The following C12orf42 variants were observed in gnomAD, a reference collection of about 807,000 sequenced individuals.
C12orf42 encodes uncharacterized protein C12orf42.
Under a neutral mutation model 21.6 loss-of-function variants are expected in C12orf42, and 25 were observed. The observed-to-expected ratio is 1.16, with a 90% CI of 0.84 to 1.62. C12orf42 has a LOEUF of 1.62. Ranked by LOEUF, C12orf42 falls within the 40% of genes most tolerant of loss-of-function variation. The probability of loss-of-function intolerance (pLI) is 0.00; values close to 1 mark genes in which losing one functional copy is unlikely to be tolerated. For missense variants in C12orf42, 483 were observed against 459.3 expected (o/e 1.05, Z -0.47); for synonymous variants, 174 against 175.0 (o/e 0.99, Z 0.05).
the C12orf42 span, among the ~76,000 whole-genome samples, chr12:103,552,552 C>A: frequency 1.4e-4 from 22 of 152,152 alleles, no homozygotes; most frequent in African/African-American, 5.1e-4. Context: ...AAGGAAATAT[C>A]TCTATGGGGA....
In C12orf42 at chr12:103,320,432, A is replaced by G. The variant is rs1378992941; in HGVS notation, c.260-14087T>C. Among the ~76,000 whole-genome samples, 7 of 152,312 alleles carry G rather than the reference A, an allele frequency of 4.6e-5. No individual in the cohort carries two copies. The East Asian group carries it at 1.2e-3, about 25-fold the overall frequency. ...TAGTAAAGACCGGTAAATCCATGAA[A>G]TTTCCATCAGTAAGATTTAGACTGT... On this transcript the variant is annotated intron_variant, in intron 4 of 5. Transcript: ENST00000548883.
At chr12:103,131,273 A>G in the C12orf42 span, among the ~76,000 whole-genome samples, 1 of 152,228 alleles carries the variant, frequency 6.6e-6, no homozygotes, top group African/African-American at 2.4e-5. Context: ...TTATATAGGA[A>G]GAGAAGAATT....
the C12orf42 span, among the ~76,000 whole-genome samples, chr12:103,527,619 A>C: frequency 6.6e-6 from 1 of 152,302 alleles, no homozygotes; most frequent in South Asian, 2.1e-4. Context: ...TGATACAATC[A>C]GTATTTCAGG....
In C12orf42 at chr12:103,369,002, T is replaced by A. The variant is rs1277270113; in HGVS notation, c.148-4A>T. The A allele has an allele frequency of 1.3e-6, 2 of 1,533,994 alleles. No homozygotes were observed. Among genetic ancestry groups the A allele is most frequent in the Non-Finnish European group, 1.8e-6 (2 of 1,120,692 alleles). Reference sequence around the variant, plus strand: ...TTCTTTCATAACAAGGGATGTGCTGTAAGATAGAGGAGAAAAATACACACA... The same window carrying A: ...TTCTTTCATAACAAGGGATGTGCTGAAAGATAGAGGAGAAAAATACACACA... On this transcript the variant is annotated splice_region_variant and splice_polypyrimidine_tract_variant and intron_variant, in intron 3 of 5. Transcript: ENST00000548883.
At chr12:103,116,381 A>AAATATATATATAT in the C12orf42 span, among the ~76,000 whole-genome samples, 10 of 136,708 alleles carry the variant, frequency 7.3e-5, no homozygotes, top group African/African-American at 2.2e-4. Context: ...AAAAAAAAAA[A>AAATATATATATAT]ATATATATAT....
At chr12:103,494,846 G>T (rs1019217345) in intron 1 of C12orf42, among the ~76,000 whole-genome samples, 3 of 152,146 alleles carry the variant, frequency 2.0e-5, no homozygotes, top group African/African-American at 7.2e-5. Context: ...TCGAATGAAT[G>T]GGAGGAGGAG....
At chr12:103,489,729 G>A (rs975755926) in intron 1 of C12orf42, among the ~76,000 whole-genome samples, 1 of 152,214 alleles carries the variant, frequency 6.6e-6, no homozygotes, top group African/African-American at 2.4e-5. Context: ...AGTGAGCAAG[G>A]CTCCATGGGC....
chr12:103,421,831 A>C (rs957808093), intron 2 of C12orf42, among the ~76,000 whole-genome samples: 1 of 152,212 alleles, frequency 6.6e-6, no homozygotes, highest in Admixed American at 6.5e-5. Flanking sequence ...CTAAATTGTC[A>C]AGATAACAAC....
the C12orf42 span, among the ~76,000 whole-genome samples, chr12:103,161,085 G>T: frequency 2.0e-5 from 3 of 152,166 alleles, no homozygotes; most frequent in African/African-American, 4.8e-5. Flanking sequence ...GATCTCAGAC[G>T]CAAAACGTGT....
chr12:103,197,148 A>G, the C12orf42 span, among the ~76,000 whole-genome samples: 1 of 152,136 alleles, frequency 6.6e-6, no homozygotes, highest in African/African-American at 2.4e-5. Context: ...TGTCTGAAAA[A>G]GATTTTATTT....
intron 2 of C12orf42, among the ~76,000 whole-genome samples, chr12:103,413,536 T>C (rs10400542): frequency 6.6e-6 from 1 of 151,820 alleles, no homozygotes; most frequent in Non-Finnish European, 1.5e-5. Flanking sequence ...GGTTTTATGG[T>C]TAAGTCCTTT....
At chr12:103,209,396 G>T in the C12orf42 span, among the ~76,000 whole-genome samples, 24 of 152,124 alleles carry the variant, frequency 1.6e-4, no homozygotes, top group Admixed American at 1.6e-3. Flanking sequence ...CTCCTGCTTT[G>T]GTGTTTAAAA....
chr12:103,507,110 A>AATATATATTT, the C12orf42 span, among the ~76,000 whole-genome samples: 1 of 14,922 alleles, frequency 6.7e-5, no homozygotes, highest in Non-Finnish European at 8.5e-5. Context: ...ATATAATATA[A>AATATATATTT]ATATATATTT....
At chr12:103,170,316 C>T in the C12orf42 span, among the ~76,000 whole-genome samples, 1 of 152,152 alleles carries the variant, frequency 6.6e-6, no homozygotes, top group South Asian at 2.1e-4. Context: ...TCTAGCCTTA[C>T]ATGTAGTCAG....
chr12:103,465,037 TTCTTTTTACTTTAC>T lies in C12orf42; in HGVS notation c.78+13298_78+13311del, dbSNP rs1188363788. Among the ~76,000 whole-genome samples the T allele has an allele frequency of 5.3e-5, 8 of 152,318 alleles. No individual in the cohort carries two copies. The East Asian group carries it at 1.5e-3, about 29-fold the overall frequency. ...TTTGTTCTTTTTACTTTTTATTTTG[TTCTTTTTACTTTAC>T]TCTTTTTACTTACAATTGTCTTGGC... On this transcript the variant is annotated intron_variant, in intron 2 of 5. Transcript: ENST00000548883.
At chr12:103,273,996 T>C in intron 5 of C12orf42, 1 of 452,316 alleles carries the variant, frequency 2.2e-6, no homozygotes, top group Non-Finnish European at 4.4e-6. Flanking sequence ...AGCACTCCTA[T>C]TGCCCTGTCC....
At chr12:103,183,932 T>C in the C12orf42 span, among the ~76,000 whole-genome samples, 1 of 152,236 alleles carries the variant, frequency 6.6e-6, no homozygotes, top group Non-Finnish European at 1.5e-5. Flanking sequence ...GTATATACTC[T>C]ATATTACAAG....
intron 2 of C12orf42, among the ~76,000 whole-genome samples, chr12:103,404,653 C>T (rs2048289551): frequency 6.6e-6 from 1 of 152,186 alleles, no homozygotes; most frequent in African/African-American, 2.4e-5. Flanking sequence ...AATAGAAAAG[C>T]CTCTCTTTCT....
At chr12:103,076,893 C>A in the C12orf42 span, among the ~76,000 whole-genome samples, 2 of 152,108 alleles carry the variant, frequency 1.3e-5, no homozygotes, top group South Asian at 2.1e-4. Flanking sequence ...CAAAGTCACA[C>A]AGGTAGTAAG....
Sources: allele counts gnomAD v4.1 joint callset (sites outside exome capture counted in the v4.1 genomes callset), GRCh38; gene constraint gnomAD v4.1.1; transcripts MANE v1.5; gene names NCBI Gene and HGNC (gene_info 2026-07-23, HGNC 2026-07-21).